Variants in ZBED6 observed in about 807,000 individuals in gnomAD.
The protein encoded by ZBED6 is zinc finger BED-type containing 6, also known as zinc finger BED domain-containing protein 6.
Under a neutral mutation model 58.4 loss-of-function variants are expected in ZBED6, and 40 were observed. The ratio of observed to expected loss-of-function variants is 0.68; its 90% CI spans 0.53 to 0.89. The LOEUF (loss-of-function observed/expected upper bound fraction) is 0.89, where lower values mean the gene tolerates loss of function less well. ZBED6 is among the 40% of genes least tolerant of loss of function. The pLI is 0.00. For synonymous variants in ZBED6, 439 were observed against 350.6 expected (o/e 1.25, Z -2.82); for missense variants, 1,057 against 1,003.9 (o/e 1.05, Z -0.71).
chr1:203,799,853 T>G (rs1243326520), exon 1 of ZBED6: 1 of 1,532,992 alleles, frequency 6.5e-7, no homozygotes, highest in African/African-American at 1.4e-5. Context: ...TTAAAAACAG[T>G]TTGGAAGACT....
intron 1 of ZBED6, among the ~76,000 whole-genome samples, chr1:203,804,978 C>T (rs1376173165): frequency 2.0e-5 from 3 of 151,726 alleles, no homozygotes; most frequent in East Asian, 1.9e-4. Context: ...CGGCCTGTCT[C>T]GTCTTTTTAA....
At chr1:203,814,726 T>G (rs1675679571) in intron 1 of ZBED6, among the ~76,000 whole-genome samples, 1 of 152,224 alleles carries the variant, frequency 6.6e-6, no homozygotes, top group Non-Finnish European at 1.5e-5. Context: ...TTACATATTT[T>G]TAGATTTTTT....
chr1:203,799,389 C>T (rs1669811889), exon 1 of ZBED6: 3 of 703,236 alleles, frequency 4.3e-6, no homozygotes, highest in Non-Finnish European at 7.8e-6. Context: ...GGTCAAGGCC[C>T]GTCAGATACT....
exon 6 of ZBED6, chr1:203,829,856 A>G (rs755564148): frequency 2.5e-6 from 4 of 1,614,046 alleles, no homozygotes; most frequent in Non-Finnish European, 3.4e-6. Flanking sequence ...ATGGATTACG[A>G]GTGACTTCTG....
chr1:203,853,268 C>T (rs1689631741), exon 17 of ZBED6: 1 of 152,606 alleles, frequency 6.6e-6, no homozygotes, highest in Admixed American at 6.5e-5. Context: ...TCCCAACAAA[C>T]CCCTGTTGCC....
chr1:203,830,403 G>A (rs899419978), intron 7 of ZBED6, among the ~76,000 whole-genome samples, 200 bp downstream of exon 7: 3 of 152,142 alleles, frequency 2.0e-5, no homozygotes, highest in Admixed American at 6.5e-5. Flanking sequence ...TCAGAGCTGG[G>A]TACAATAAAG....
chr1:203,797,510 A>G, exon 1 of ZBED6: 1 of 1,475,522 alleles, frequency 6.8e-7, no homozygotes, highest in Non-Finnish European at 8.9e-7. Context: ...CGAATTGTGG[A>G]GACATAAAGA....
exon 1 of ZBED6, chr1:203,797,878 T>G: frequency 6.5e-7 from 1 of 1,536,108 alleles, no homozygotes. Flanking sequence ...GAGAGCAATA[T>G]AGAAAAACAG....
chr1:203,829,691 A>G, intron 5 of ZBED6, 37 bp downstream of exon 5: 1 of 1,613,016 alleles, frequency 6.2e-7, no homozygotes, highest in Non-Finnish European at 8.5e-7. Context: ...AGGCAAATAA[A>G]TAGGGTCTCA....
At chr1:203,810,666 G>T (rs1001324528) in intron 1 of ZBED6, among the ~76,000 whole-genome samples, 1 of 152,042 alleles carries the variant, frequency 6.6e-6, no homozygotes, top group African/African-American at 2.4e-5. Context: ...TGATCCACCC[G>T]CCTCGGACTC....
Position 203,830,764 on chromosome 1 carries a change from G to A in ZBED6, c.*3399+561G>A, listed in dbSNP as rs138300199. Reference sequence around the variant, plus strand: ...GCAGAGGTTGCAGTGAGCTGAGATCGCACCATTGTATTCCAGCCTGGCGAC... The same window carrying A: ...GCAGAGGTTGCAGTGAGCTGAGATCACACCATTGTATTCCAGCCTGGCGAC... On this transcript the variant is annotated intron_variant, in intron 7 of 16. Transcript: ENST00000550078. 1.6e-3 allele frequency among the ~76,000 whole-genome samples: 244 copies of A among 151,874 alleles called. 3 individuals carry two copies. The East Asian group carries it at 0.041, about 25-fold the overall frequency.
chr1:203,807,815 C>G (rs1386046553), intron 1 of ZBED6, among the ~76,000 whole-genome samples: 1 of 152,132 alleles, frequency 6.6e-6, no homozygotes, highest in Non-Finnish European at 1.5e-5. Context: ...AGTCACGGCT[C>G]ACTGCAGCCT....
intron 1 of ZBED6, among the ~76,000 whole-genome samples, chr1:203,815,812 G>A (rs1676180143): frequency 6.6e-6 from 1 of 152,080 alleles, no homozygotes; most frequent in Admixed American, 6.6e-5. Context: ...TCTGAAACCT[G>A]ATCTTCTGGT....
At chr1:203,815,441 A>G (rs1378492425) in intron 1 of ZBED6, among the ~76,000 whole-genome samples, 2 of 145,482 alleles carry the variant, frequency 1.4e-5, no homozygotes, top group Non-Finnish European at 3.0e-5. Flanking sequence ...CTGGTCTCGA[A>G]CTCCTGGACT....
At chr1:203,851,424 G>C (rs1285402766) in intron 16 of ZBED6, among the ~76,000 whole-genome samples, 1 of 152,130 alleles carries the variant, frequency 6.6e-6, no homozygotes, top group Middle Eastern at 3.2e-3. Flanking sequence ...CCACTTCCCG[G>C]GTTCAAGCAA....
intron 3 of ZBED6, among the ~76,000 whole-genome samples, chr1:203,821,287 A>G (rs66989691): frequency 0.15 from 23,554 of 152,064 alleles, 1,913 homozygotes; most frequent in African/African-American, 0.17. Context: ...CTCCCCAGCC[A>G]TGCAGAACTG....
chr1:203,828,393 T>A, exon 4 of ZBED6: 1 of 1,613,660 alleles, frequency 6.2e-7, no homozygotes, highest in Non-Finnish European at 8.5e-7. Context: ...GGACGATATG[T>A]TGATGGCCTT....
exon 1 of ZBED6, chr1:203,798,193 A>G: frequency 1.3e-6 from 2 of 1,536,148 alleles, no homozygotes; most frequent in Non-Finnish European, 1.7e-6. Flanking sequence ...GATCCATTAG[A>G]TGATAATAGA....
intron 1 of ZBED6, among the ~76,000 whole-genome samples, chr1:203,804,768 G>A (rs1571929444): frequency 6.6e-6 from 1 of 151,042 alleles, no homozygotes; most frequent in Admixed American, 6.6e-5. Context: ...TGCCTTCCAG[G>A]TTCAAGTGAT....
Sources: gnomAD v4.1 joint callset for allele counts (sites outside exome capture counted in the v4.1 genomes callset) on GRCh38, gnomAD v4.1.1 for gene constraint, MANE v1.5 for transcripts, NCBI Gene and HGNC (gene_info 2026-07-23, HGNC 2026-07-21) for gene names.